The following PDGFC variants were observed in gnomAD, a reference collection of about 807,000 sequenced individuals.
The protein encoded by PDGFC is platelet-derived growth factor C.
PDGFC carries 12 observed loss-of-function variants against 35.5 expected under a neutral mutation model. The observed-to-expected ratio is 0.34, with a 90% CI of 0.22 to 0.55. The LOEUF (loss-of-function observed/expected upper bound fraction) is 0.55, where lower values mean the gene tolerates loss of function less well. PDGFC is among the 20% of genes least tolerant of loss of function. The probability of loss-of-function intolerance (pLI) is 0.91; values close to 1 mark genes in which losing one functional copy is unlikely to be tolerated. For missense variants in PDGFC, 322 were observed against 412.4 expected (o/e 0.78, Z 1.90); for synonymous variants, 159 against 148.8 (o/e 1.07, Z -0.50).
At chr4:156,955,279 GTCC>G (rs1237375293) in intron 1 of PDGFC, among the ~76,000 whole-genome samples, 13 of 151,924 alleles carry the variant, frequency 8.6e-5, no homozygotes. Flanking sequence ...TCAAAATGCT[GTCC>G]CAGCCTCTAG....
intron 2 of PDGFC, among the ~76,000 whole-genome samples, chr4:156,814,010 A>T (rs773473094): frequency 6.6e-6 from 1 of 152,094 alleles, no homozygotes; most frequent in Non-Finnish European, 1.5e-5. Flanking sequence ...GTATTTGGTG[A>T]GTGAAGGAAT....
intron 1 of PDGFC, among the ~76,000 whole-genome samples, chr4:156,906,794 T>C (rs1185162520): frequency 6.6e-6 from 1 of 152,110 alleles, no homozygotes; most frequent in Non-Finnish European, 1.5e-5. Context: ...TTAATAAAAG[T>C]TAATCATACG....
chr4:156,817,508 T>C (rs972328959), intron 2 of PDGFC, among the ~76,000 whole-genome samples: 10 of 151,964 alleles, frequency 6.6e-5, no homozygotes, highest in East Asian at 3.9e-4. Flanking sequence ...ACTGGAAAAG[T>C]AGAAAAAGTT....
chr4:156,819,328 G>C (rs898441375), intron 2 of PDGFC, among the ~76,000 whole-genome samples: 1 of 152,174 alleles, frequency 6.6e-6, no homozygotes, highest in Non-Finnish European at 1.5e-5. Flanking sequence ...GATAGCTAGA[G>C]AAGAAAAGTC....
At chr4:156,788,333 A>T (rs2110871662) in intron 3 of PDGFC, among the ~76,000 whole-genome samples, 1 of 152,350 alleles carries the variant, frequency 6.6e-6, no homozygotes, top group East Asian at 1.9e-4. Flanking sequence ...GATCAACGGC[A>T]ACTTTTGTTA....
At chr4:156,783,842 C>A (rs937030831) in intron 3 of PDGFC, among the ~76,000 whole-genome samples, 2 of 152,020 alleles carry the variant, frequency 1.3e-5, no homozygotes, top group African/African-American at 4.8e-5. Context: ...TTGAGGAAAA[C>A]AAATGAAAAG....
intron 3 of PDGFC, among the ~76,000 whole-genome samples, chr4:156,789,751 C>T (rs1001913177): frequency 2.6e-5 from 4 of 152,026 alleles, no homozygotes; most frequent in African/African-American, 9.7e-5. Flanking sequence ...CCGAGGCAGG[C>T]GGATCATGAG....
intron 2 of PDGFC, among the ~76,000 whole-genome samples, chr4:156,838,693 A>C (rs1729126809): frequency 6.6e-6 from 1 of 152,208 alleles, no homozygotes; most frequent in South Asian, 2.1e-4. Context: ...ATCATAATCT[A>C]AACATTTCCT....
intron 1 of PDGFC, among the ~76,000 whole-genome samples, chr4:156,879,075 T>C (rs1157990934): frequency 6.6e-6 from 1 of 152,154 alleles, no homozygotes. Flanking sequence ...GTACTGTCAG[T>C]TGTCTTATGA....
At chr4:156,910,417 C>T (rs990406072) in intron 1 of PDGFC, among the ~76,000 whole-genome samples, 1 of 152,002 alleles carries the variant, frequency 6.6e-6, no homozygotes, top group Non-Finnish European at 1.5e-5. Flanking sequence ...ACAAAGGTAC[C>T]AGTTTATTTA....
At chr4:156,893,677 A>C (rs2111200964) in intron 1 of PDGFC, among the ~76,000 whole-genome samples, 1 of 152,074 alleles carries the variant, frequency 6.6e-6, no homozygotes, top group Non-Finnish European at 1.5e-5. Context: ...ATCAAAAAAA[A>C]AAAAAATCTT....
At chr4:156,928,017 G>A (rs1217999714) in intron 1 of PDGFC, among the ~76,000 whole-genome samples, 1 of 152,096 alleles carries the variant, frequency 6.6e-6, no homozygotes, top group East Asian at 1.9e-4. Context: ...GTGGTGGCAA[G>A]AGAAAAATTA....
rs1729426244 is a variant in PDGFC at position 156,850,427 on chromosome 4, A to C, written c.119-11T>G. 1 of 1,502,056 alleles carries C rather than the reference A, an allele frequency of 6.7e-7. No homozygotes were observed. Among genetic ancestry groups the C allele is most frequent in the South Asian group, 1.2e-5 (1 of 81,614 alleles). The allele number at this position is 1,502,056 out of a possible 1,614,324, so 93.0% of individuals were successfully genotyped here. ...GAGGATCTTGTACTCCTAAAGCAAA[A>C]AACATAGACATAGACATACATTTAG... On this transcript the variant is annotated splice_polypyrimidine_tract_variant and intron_variant, in intron 1 of 5. Transcript: ENST00000502773.
intron 1 of PDGFC, among the ~76,000 whole-genome samples, chr4:156,933,393 A>G (rs138726933): frequency 3.2e-4 from 49 of 152,336 alleles, no homozygotes; most frequent in Admixed American, 7.8e-4. Flanking sequence ...GACACAGAGC[A>G]ACACAAAACT....
At chr4:156,967,497 C>T (rs1456756405) in intron 1 of PDGFC, 1 of 152,066 alleles carries the variant, frequency 6.6e-6, no homozygotes, top group Non-Finnish European at 1.5e-5. Flanking sequence ...AATCAAAATT[C>T]AGAATGGCTA....
At chr4:156,774,322 C>T (rs1050123632) in intron 3 of PDGFC, 3 of 152,210 alleles carry the variant, frequency 2.0e-5, no homozygotes, top group Non-Finnish European at 4.4e-5. Context: ...TGTCCCCATA[C>T]CTGACATGCA....
intron 1 of PDGFC, chr4:156,876,857 A>C (rs1479464020): frequency 6.6e-6 from 1 of 152,112 alleles, no homozygotes; most frequent in Non-Finnish European, 1.5e-5. Context: ...TTTATTCGTT[A>C]AGACACCATC....
chr4:156,926,049 C>CAAAAAAAAAAA (rs397707839), intron 1 of PDGFC, among the ~76,000 whole-genome samples: 5 of 67,540 alleles, frequency 7.4e-5, no homozygotes, highest in Admixed American at 2.0e-4. Context: ...AGATCTGTCT[C>CAAAAAAAAAAA]AAAAAAAAAA....
chr4:156,872,328 C>A (rs1049604741), intron 1 of PDGFC, among the ~76,000 whole-genome samples: 6 of 152,148 alleles, frequency 3.9e-5, no homozygotes, highest in African/African-American at 1.4e-4. Flanking sequence ...GCAAACAAGA[C>A]AAAATCTTCA....
Sources: gnomAD v4.1 joint callset for allele counts (sites outside exome capture counted in the v4.1 genomes callset) on GRCh38, gnomAD v4.1.1 for gene constraint, MANE v1.5 for transcripts, NCBI Gene and HGNC (gene_info 2026-07-23, HGNC 2026-07-21) for gene names.